FRMD4A: variants seen among roughly 807,000 people sequenced by gnomAD.
FRMD4A encodes FERM domain containing 4A.
A neutral mutation model predicts 129.1 loss-of-function variants in FRMD4A; 29 were observed. The observed-to-expected ratio is 0.22, with a 90% CI of 0.17 to 0.31. The LOEUF (loss-of-function observed/expected upper bound fraction) is 0.31. FRMD4A is among the 10% of genes least tolerant of loss of function. The pLI is 1.00. For missense variants in FRMD4A, 1,272 were observed against 1,375.8 expected, an observed-to-expected ratio of 0.92 and a Z score of 1.19; for synonymous variants, 634 against 571.6, an observed-to-expected ratio of 1.11 and a Z score of -1.56.
At chr10:13,667,825 C>T (rs868516004) in intron 17 of FRMD4A, 4 of 152,236 alleles carry the variant, frequency 2.6e-5, no homozygotes, top group African/African-American at 9.7e-5. Context: ...GAATATTTGC[C>T]TAACCCCACA....
chr10:13,930,118 C>T (rs184569316), intron 2 of FRMD4A, among the ~76,000 whole-genome samples: 73 of 152,284 alleles, frequency 4.8e-4, no homozygotes, highest in African/African-American at 1.7e-3. Flanking sequence ...CACCCTATTT[C>T]AAACTTGGTG....
chr10:13,692,360 C>G (rs1242112432), intron 15 of FRMD4A: 6 of 152,180 alleles, frequency 3.9e-5, no homozygotes, highest in Admixed American at 3.9e-4. Context: ...GTTGGCCAGA[C>G]TGGTCTCCAA....
chr10:14,144,161 G>A (rs1839970844), intron 2 of FRMD4A, among the ~76,000 whole-genome samples: 1 of 152,112 alleles, frequency 6.6e-6, no homozygotes, highest in African/African-American at 2.4e-5. Context: ...CCCCACCTGT[G>A]GGTTGACCTT....
At chr10:13,891,489 A>G in intron 2 of FRMD4A, 2 of 563,758 alleles carry the variant, frequency 3.5e-6, no homozygotes, top group Non-Finnish European at 4.5e-6. Flanking sequence ...CATACGCGAA[A>G]TAAACGACTC....
intron 2 of FRMD4A, among the ~76,000 whole-genome samples, chr10:14,277,360 G>A (rs779976520): frequency 6.6e-6 from 1 of 152,236 alleles, no homozygotes; most frequent in Non-Finnish European, 1.5e-5. Flanking sequence ...GCGGTTAGGA[G>A]GTGATTAGGT....
intron 3 of FRMD4A, among the ~76,000 whole-genome samples, chr10:13,831,393 G>A (rs2093787893): frequency 6.6e-6 from 1 of 152,140 alleles, no homozygotes; most frequent in Admixed American, 6.5e-5. Flanking sequence ...GGCCTGCAGT[G>A]AGCTATGATT....
intron 17 of FRMD4A, chr10:13,667,250 C>T (rs745620026): frequency 6.6e-6 from 1 of 152,646 alleles, no homozygotes; most frequent in Admixed American, 6.5e-5. Flanking sequence ...GTCCCTCCCC[C>T]ATCTGCCTAT....
chr10:14,202,239 G>A (rs1842659209), intron 2 of FRMD4A, among the ~76,000 whole-genome samples: 1 of 152,156 alleles, frequency 6.6e-6, no homozygotes, highest in Non-Finnish European at 1.5e-5. Flanking sequence ...GAGCCAGGCA[G>A]AAGCCTTCCT....
intron 2 of FRMD4A, among the ~76,000 whole-genome samples, chr10:14,284,276 A>C (rs80085486): frequency 0.014 from 2,174 of 152,270 alleles, 26 homozygotes; most frequent in Non-Finnish European, 0.022. Flanking sequence ...ACATGTACTT[A>C]ATGGAAGTAT....
chr10:13,654,065 T>G, intron 23 of FRMD4A: 1 of 448,860 alleles, frequency 2.2e-6, no homozygotes. Flanking sequence ...CCCCCTGACA[T>G]TCTTGCCTGG....
At chr10:14,142,735 G>A (rs867558426) in intron 2 of FRMD4A, among the ~76,000 whole-genome samples, 2 of 152,210 alleles carry the variant, frequency 1.3e-5, no homozygotes, top group South Asian at 4.1e-4. Flanking sequence ...GAATGAAAAC[G>A]CAAGCTTTTT....
chr10:13,709,827 T>A (rs773873100), intron 12 of FRMD4A, among the ~76,000 whole-genome samples: 3 of 151,074 alleles, frequency 2.0e-5, no homozygotes, highest in Non-Finnish European at 4.4e-5. Context: ...TCCTAACAGG[T>A]TTTTTTTTCT....
chr10:13,688,054 C>G (rs78190158), intron 15 of FRMD4A, among the ~76,000 whole-genome samples: 2 of 152,120 alleles, frequency 1.3e-5, no homozygotes, highest in African/African-American at 4.8e-5. Context: ...TTTAACTACG[C>G]TGAAATCATC....
chr10:14,167,319 G>T (rs982034991), intron 2 of FRMD4A, among the ~76,000 whole-genome samples: 4 of 152,002 alleles, frequency 2.6e-5, no homozygotes, highest in African/African-American at 9.7e-5. Flanking sequence ...ATCACTTGAG[G>T]TCGGGAGATC....
intron 4 of FRMD4A, among the ~76,000 whole-genome samples, chr10:13,808,254 G>A (rs1255969303): frequency 1.3e-5 from 2 of 152,222 alleles, no homozygotes; most frequent in Non-Finnish European, 2.9e-5. Flanking sequence ...ACCACAGGCT[G>A]TCATAAAGAA....
chr10:14,187,156 A>AAGGGAGGG (rs368593790), intron 2 of FRMD4A, among the ~76,000 whole-genome samples: 4 of 132,322 alleles, frequency 3.0e-5, no homozygotes, highest in African/African-American at 8.3e-5. Context: ...GGAAAGAAGG[A>AAGGGAGGG]AGGGAGGGAG....
At chr10:13,735,755 C>T (rs2090592219) in intron 12 of FRMD4A, among the ~76,000 whole-genome samples, 1 of 152,220 alleles carries the variant, frequency 6.6e-6, no homozygotes, top group African/African-American at 2.4e-5. Flanking sequence ...TCTTCCACCA[C>T]TACAGGCAAG....
chr10:13,685,725 T>A, intron 15 of FRMD4A: 1 of 730,364 alleles, frequency 1.4e-6, no homozygotes, highest in Non-Finnish European at 1.7e-6. Context: ...GGAGGATCGC[T>A]TAAGCCCAGG....
intron 24 of FRMD4A, chr10:13,648,594 C>CA (rs1564502009): frequency 6.6e-6 from 1 of 152,134 alleles, no homozygotes; most frequent in East Asian, 1.9e-4. Flanking sequence ...AGCTTTGAAA[C>CA]CACAAGGATG....
Sources: gnomAD v4.1 joint callset for allele counts (sites outside exome capture counted in the v4.1 genomes callset) on GRCh38, gnomAD v4.1.1 for gene constraint, MANE v1.5 for transcripts, NCBI Gene and HGNC (gene_info 2026-07-23, HGNC 2026-07-21) for gene names.